Variants in PIEZO2 observed in about 807,000 individuals in gnomAD.
PIEZO2 encodes the protein piezo type mechanosensitive ion channel component 2.
In PIEZO2, 172 loss-of-function variants were observed where a neutral mutation model predicts 337.3. The observed-to-expected ratio is 0.51, with a 90% CI of 0.45 to 0.58. The LOEUF (loss-of-function observed/expected upper bound fraction) is 0.58, where lower values mean the gene tolerates loss of function less well. Ranked by LOEUF, PIEZO2 falls within the 20% of genes least tolerant of loss-of-function variation. The probability of loss-of-function intolerance (pLI) is 0.00; values close to 1 mark genes in which losing one functional copy is unlikely to be tolerated. For missense variants in PIEZO2, 3,028 were observed against 3,391.3 expected (o/e 0.89, Z 2.66); for synonymous variants, 1,251 against 1,228.5 (o/e 1.02, Z -0.38).
chr18:11,023,272 G>A (rs148875926), intron 2 of PIEZO2, among the ~76,000 whole-genome samples: 45 of 152,208 alleles, frequency 3.0e-4, no homozygotes, highest in African/African-American at 1.1e-3. Context: ...ACAGAGAGCC[G>A]AGTGGTCTGT....
Position 11,146,169 on chromosome 18 carries a change from A to T in PIEZO2, c.64+2356T>A, listed in dbSNP as rs190204872. Among the ~76,000 whole-genome samples, 7 of 152,300 alleles carry T rather than the reference A, an allele frequency of 4.6e-5. No individual in the cohort carries two copies. The East Asian group carries it at 9.7e-4, about 21-fold the overall frequency. On this transcript the variant is annotated intron_variant, in intron 1 of 55. Coordinates refer to ENST00000674853, the MANE Select transcript of PIEZO2 (RefSeq NM_001378183.1). This position sits in a 1 kb window ranked among gnomAD's most constrained non-coding sequence, Gnocchi z 6.1. Reference sequence around the variant, plus strand: ...GAGTCCTGAAGAATGAGCTGGATAAAGAAGGCAGCCCCAGGATCTCCTGGG... The same window carrying T: ...GAGTCCTGAAGAATGAGCTGGATAATGAAGGCAGCCCCAGGATCTCCTGGG...
intron 39 of PIEZO2, among the ~76,000 whole-genome samples, chr18:10,712,362 G>A (rs539129541): frequency 4.4e-4 from 67 of 152,204 alleles, no homozygotes; most frequent in African/African-American, 1.4e-3. Context: ...AAGTTTTAGC[G>A]TTAAAATGAA....
intron 2 of PIEZO2, among the ~76,000 whole-genome samples, chr18:11,041,879 T>C (rs1325349879): frequency 6.6e-6 from 1 of 152,216 alleles, no homozygotes; most frequent in Non-Finnish European, 1.5e-5. Flanking sequence ...TGCAGTGGCA[T>C]TGAAAACTAT....
Position 10,815,185 on chromosome 18 carries a change from A to G in PIEZO2, c.918-7911T>C, listed in dbSNP as rs147459164. 9.2e-5 allele frequency among the ~76,000 whole-genome samples: 14 copies of G among 152,370 alleles called. No homozygotes were observed. Among genetic ancestry groups the G allele is most frequent in the African/African-American group, 3.4e-4 (14 of 41,588 alleles). On this transcript the variant is annotated intron_variant, in intron 7 of 55. Coordinates refer to ENST00000674853, the MANE Select transcript of PIEZO2 (RefSeq NM_001378183.1). The surrounding 1 kb of genome is among the most constrained non-coding windows in gnomAD (Gnocchi z 4.1). Reference sequence around the variant, plus strand: ...GTCTTATTTTTAAAGGTTAAAAACAATGAAAATTCAAGTGGCACATATTCT... The same window carrying G: ...GTCTTATTTTTAAAGGTTAAAAACAGTGAAAATTCAAGTGGCACATATTCT...
At position 10,850,683 on chromosome 18, in the gene PIEZO2, G is replaced by T. The variant is rs1475976581; in HGVS notation, c.917+4670C>A. On this transcript the variant is annotated intron_variant, in intron 7 of 55. Transcript: ENST00000674853. This position sits in a 1 kb window ranked among gnomAD's most constrained non-coding sequence, Gnocchi z 4.5. Reference sequence around the variant, plus strand: ...TATAACATAGGAAAATACACAGTTTGCATAAATACAGCAAATTATAAAATA... The same window carrying T: ...TATAACATAGGAAAATACACAGTTTTCATAAATACAGCAAATTATAAAATA... 6.6e-6 allele frequency among the ~76,000 whole-genome samples: 1 copy of T among 152,066 alleles called. No homozygotes were observed. Among genetic ancestry groups the T allele is most frequent in the African/African-American group, 2.4e-5 (1 of 41,400 alleles).
chr18:10,957,306 A>G (rs1444296940), intron 3 of PIEZO2, among the ~76,000 whole-genome samples: 3 of 151,956 alleles, frequency 2.0e-5, no homozygotes, highest in Non-Finnish European at 4.4e-5. Context: ...CTGAGGTAAG[A>G]GAGTCGCTTG....
At position 10,799,830 on chromosome 18, in the gene PIEZO2, A is replaced by C. The variant is rs1385700035; in HGVS notation, c.1378+507T>G. ...TCTACTAAAATACAAAAAATTAGCCAGGCGTGGTGGTGGGCACCTGTAGTC... is the reference window on the plus strand; with the variant it reads ...TCTACTAAAATACAAAAAATTAGCCCGGCGTGGTGGTGGGCACCTGTAGTC... On this transcript the variant is annotated intron_variant, in intron 11 of 55. Coordinates refer to ENST00000674853, the MANE Select transcript of PIEZO2 (RefSeq NM_001378183.1). 2.0e-5 allele frequency among the ~76,000 whole-genome samples: 3 copies of C among 148,662 alleles called. No homozygotes were observed. The Admixed American group carries it at 2.0e-4, about 10-fold the overall frequency.
rs760582437 is a variant in PIEZO2, at chr18:10,784,845, G to T, written c.2431C>A (p.Arg811=). The change falls in exon 17 of 56, where the codon CGG becomes AGG. Residue 811 remains arginine (R), a synonymous_variant. Coordinates refer to ENST00000674853, the MANE Select transcript of PIEZO2 (RefSeq NM_001378183.1). The surrounding 1 kb of genome is among the most constrained non-coding windows in gnomAD (Gnocchi z 4.5). ...TTGAGGTCTGTGAGTTCAAGGAACC[G>T]GTCATGGAAGTAGTGCAGGTGTAAA... The part of the protein sequence containing the change: ...CILHLHYFHD[R]FLELTDLKSI... The T allele has an allele frequency of 6.5e-7, 1 of 1,537,584 alleles. No individual in the cohort carries two copies. The highest frequency in any genetic ancestry group is 1.4e-5 in the African/African-American group (1 of 73,022).
At chr18:10,818,035 T>C (rs60837368) in intron 7 of PIEZO2, among the ~76,000 whole-genome samples, 1,529 of 152,196 alleles carry the variant, frequency 0.01, 29 homozygotes, top group African/African-American at 0.035. Flanking sequence ...ATAAAGTATA[T>C]ACTTTTTTCT....
intron 1 of PIEZO2, among the ~76,000 whole-genome samples, chr18:11,093,027 T>G (rs2039145614): frequency 6.6e-6 from 1 of 152,220 alleles, no homozygotes; most frequent in African/African-American, 2.4e-5. Flanking sequence ...GCCATTTGGT[T>G]TCCAGAAGAT....
intron 22 of PIEZO2, 143 bp from the exon 23 acceptor site, chr18:10,762,768 C>T (rs1179654729): frequency 3.8e-6 from 5 of 1,313,616 alleles, no homozygotes; most frequent in Non-Finnish European, 3.1e-6. Context: ...CAGTATGAGA[C>T]GAGGCTTAAC....
At chr18:11,072,279 C>A (rs1314655508) in intron 1 of PIEZO2, among the ~76,000 whole-genome samples, 1 of 152,142 alleles carries the variant, frequency 6.6e-6, no homozygotes, top group Non-Finnish European at 1.5e-5. Flanking sequence ...ATGAAAACAG[C>A]TTGATCTAAA....
In PIEZO2 at chr18:10,982,700, AAT is replaced by A. The variant is rs1379075060; in HGVS notation, c.161-3042_161-3041del. On this transcript the variant is annotated intron_variant, in intron 2 of 55. Transcript: ENST00000674853. This position sits in a 1 kb window ranked among gnomAD's most constrained non-coding sequence, Gnocchi z 4.1. ...GTTGGTGTATCATAGCAGATATTAA[AAT>A]ATGTTATAAAACCATATGTTTATTT... Among the ~76,000 whole-genome samples the A allele has an allele frequency of 6.6e-6, 1 of 152,128 alleles. No individual in the cohort carries two copies. Among genetic ancestry groups the A allele is most frequent in the Non-Finnish European group, 1.5e-5 (1 of 68,032 alleles).
intron 2 of PIEZO2, among the ~76,000 whole-genome samples, chr18:11,046,814 C>T (rs2037334737): frequency 6.6e-6 from 1 of 152,188 alleles, no homozygotes; most frequent in East Asian, 1.9e-4. Flanking sequence ...GTGCAGTGCT[C>T]CGGCAGCCAG....
At chr18:11,106,913 A>G (rs1050583989) in intron 1 of PIEZO2, among the ~76,000 whole-genome samples, 2 of 152,216 alleles carry the variant, frequency 1.3e-5, no homozygotes, top group African/African-American at 4.8e-5. Context: ...GAGTTGAGGC[A>G]GTTCGGCTGA....
chr18:10,868,497 C>T (rs977520844), intron 5 of PIEZO2, among the ~76,000 whole-genome samples: 15 of 151,954 alleles, frequency 9.9e-5, no homozygotes, highest in Admixed American at 6.6e-5. Context: ...TGGGCTGGAA[C>T]GTGACAAGAG....
Position 10,744,189 on chromosome 18 carries a change from C to G in PIEZO2, c.4467G>C (p.Lys1489Asn), listed in dbSNP as rs1373498481. ...LFQATIVKAV[K>N]ARIEEEKKSM... is the part of the protein sequence containing the mutation. ...ACTTCTTCTCTTCCTCAATTCTTGC[C>G]TTTACAGCTTTTACAATTGTGGCCT... The change falls in exon 31 of 56, where the codon AAG becomes AAC. Residue 1489 changes from lysine (K) to asparagine (N), a missense_variant. Physicochemically the swap from Lys to Asn is moderately conservative, Grantham distance 94. Around this residue, in one of 5 missense-constraint regions of PIEZO2, gnomAD observed 1,925 missense variants for 2,051.9 expected, o/e 0.94. Coordinates refer to ENST00000674853, the MANE Select transcript of PIEZO2 (RefSeq NM_001378183.1). 3 of 1,536,894 alleles carry G rather than the reference C, an allele frequency of 2.0e-6. No individual in the cohort carries two copies. Among genetic ancestry groups the G allele is most frequent in the Admixed American group, 2.0e-5 (1 of 50,976 alleles).
intron 7 of PIEZO2, among the ~76,000 whole-genome samples, chr18:10,820,417 T>C (rs2040488260): frequency 6.6e-6 from 1 of 152,050 alleles, no homozygotes; most frequent in Non-Finnish European, 1.5e-5. Flanking sequence ...ATCCTCAAGT[T>C]CATCTATCTT....
intron 7 of PIEZO2, among the ~76,000 whole-genome samples, chr18:10,851,649 T>C (rs9676224): frequency 1.4e-3 from 219 of 152,346 alleles, no homozygotes; most frequent in African/African-American, 5.1e-3. Context: ...TAATGATTTT[T>C]ACATTTTTAA....
Sources: gnomAD v4.1 joint callset for allele counts (sites outside exome capture counted in the v4.1 genomes callset) on GRCh38, gnomAD v4.1.1 for gene constraint, gnomAD v4.1.1 regional missense constraint, Gnocchi (gnomAD v3.1) non-coding constraint, MANE v1.5 for transcripts, NCBI Gene and HGNC (gene_info 2026-07-23, HGNC 2026-07-21) for gene names.